Variants in AGBL1 observed in about 807,000 individuals in gnomAD.
AGBL1 encodes cytosolic carboxypeptidase 4.
In AGBL1, 130 loss-of-function variants were observed where a neutral mutation model predicts 118.9. The ratio of observed to expected loss-of-function variants is 1.09; its 90% CI spans 0.95 to 1.26. The LOEUF (loss-of-function observed/expected upper bound fraction) is 1.26, where lower values mean the gene tolerates loss of function less well. Ranked by LOEUF, AGBL1 falls within the 50% of genes most tolerant of loss-of-function variation. AGBL1 has a pLI of 0.00. For missense variants in AGBL1, 1,584 were observed against 1,298.1 expected, an observed-to-expected ratio of 1.22 and a Z score of -3.38; for synonymous variants, 555 against 478.9, an observed-to-expected ratio of 1.16 and a Z score of -2.08.
chr15:86,384,334 C>T (rs190332436), intron 17 of AGBL1, among the ~76,000 whole-genome samples: 7 of 152,170 alleles, frequency 4.6e-5, no homozygotes, highest in Non-Finnish European at 8.8e-5. Flanking sequence ...GTGAGCCAGC[C>T]GGCAGGTCTG....
chr15:86,124,190 C>T (rs1374284981), intron 1 of AGBL1, among the ~76,000 whole-genome samples: 2 of 151,814 alleles, frequency 1.3e-5, no homozygotes, highest in African/African-American at 2.4e-5. Context: ...TGTAGCGGGG[C>T]ATGGTGGCAG....
chr15:86,492,028 A>T (rs1246284442), intron 18 of AGBL1, among the ~76,000 whole-genome samples: 1 of 152,056 alleles, frequency 6.6e-6, no homozygotes, highest in African/African-American at 2.4e-5. Flanking sequence ...TCATTTTTGG[A>T]TGAGAGATGG....
At chr15:86,658,319 T>C (rs927534707) in intron 21 of AGBL1, among the ~76,000 whole-genome samples, 5 of 152,172 alleles carry the variant, frequency 3.3e-5, no homozygotes, top group African/African-American at 1.2e-4. Context: ...AGCCTGAGAA[T>C]GTAACAATGT....
At chr15:86,541,412 A>G (rs2083492275) in intron 19 of AGBL1, among the ~76,000 whole-genome samples, 1 of 152,068 alleles carries the variant, frequency 6.6e-6, no homozygotes, top group Non-Finnish European at 1.5e-5. Flanking sequence ...CAACAGAGGG[A>G]TATCCTGTCT....
intron 22 of AGBL1, among the ~76,000 whole-genome samples, chr15:86,852,569 A>G (rs528957715): frequency 5.9e-5 from 9 of 152,292 alleles, no homozygotes; most frequent in South Asian, 4.1e-4. Context: ...TGATCTCCCA[A>G]TGCCTCTTTT....
At chr15:86,275,400 A>G (rs1421573093) in intron 15 of AGBL1, among the ~76,000 whole-genome samples, 4 of 152,214 alleles carry the variant, frequency 2.6e-5, no homozygotes, top group Non-Finnish European at 5.9e-5. Context: ...GAAGTCTGGC[A>G]ACTTCACTGC....
At chr15:86,389,559 A>G (rs1300913007) in intron 17 of AGBL1, among the ~76,000 whole-genome samples, 1 of 152,230 alleles carries the variant, frequency 6.6e-6, no homozygotes. Context: ...ATGAAACCTG[A>G]TGAAAGTTTG....
At chr15:86,799,857 G>C (rs549663298) in intron 22 of AGBL1, among the ~76,000 whole-genome samples, 5 of 152,078 alleles carry the variant, frequency 3.3e-5, no homozygotes, top group Non-Finnish European at 7.4e-5. Flanking sequence ...TCATCAAAAA[G>C]TTCAAAGATT....
intron 23 of AGBL1, among the ~76,000 whole-genome samples, chr15:86,940,009 G>A (rs2080729146): frequency 6.9e-6 from 1 of 143,938 alleles, no homozygotes. Context: ...AGCCTCCCTA[G>A]TAGCTGGAAC....
chr15:86,167,340 G>C (rs2141736881), intron 5 of AGBL1, among the ~76,000 whole-genome samples: 1 of 151,994 alleles, frequency 6.6e-6, no homozygotes, highest in East Asian at 1.9e-4. Context: ...CCACCTCCTG[G>C]GTTCAAGCGA....
At chr15:86,788,970 G>C (rs761663024) in intron 22 of AGBL1, among the ~76,000 whole-genome samples, 2 of 152,226 alleles carry the variant, frequency 1.3e-5, no homozygotes, top group Non-Finnish European at 2.9e-5. Flanking sequence ...CTGGCAGGCA[G>C]TAGGGTTTCA....
intron 18 of AGBL1, among the ~76,000 whole-genome samples, chr15:86,517,461 C>T (rs767131221): frequency 1.1e-4 from 16 of 152,154 alleles, no homozygotes; most frequent in Non-Finnish European, 2.2e-4. Context: ...TTTAGACCTA[C>T]CAAAGTTCAA....
At chr15:86,933,413 C>T (rs1465818315) in intron 23 of AGBL1, among the ~76,000 whole-genome samples, 1 of 152,096 alleles carries the variant, frequency 6.6e-6, no homozygotes, top group Non-Finnish European at 1.5e-5. Context: ...GGCATAATTT[C>T]TATAGCTCAT....
chr15:86,920,987 A>G (rs1324824762), downstream of AGBL1, among the ~76,000 whole-genome samples: 3 of 152,204 alleles, frequency 2.0e-5, no homozygotes, highest in Non-Finnish European at 4.4e-5. Flanking sequence ...ATTCATTTTC[A>G]GAGTGCCAAG....
At chr15:86,252,704 T>C (rs1235677172) in intron 7 of AGBL1, among the ~76,000 whole-genome samples, 1 of 152,142 alleles carries the variant, frequency 6.6e-6, no homozygotes, top group African/African-American at 2.4e-5. Flanking sequence ...ACACTTGGTT[T>C]GTGAACTGTT....
intron 6 of AGBL1, among the ~76,000 whole-genome samples, chr15:86,230,704 A>C (rs1478664352): frequency 6.6e-6 from 1 of 152,238 alleles, no homozygotes; most frequent in Non-Finnish European, 1.5e-5. Context: ...ATTTGTTTTT[A>C]AAAATTCGTT....
intron 22 of AGBL1, among the ~76,000 whole-genome samples, chr15:86,768,294 T>C (rs1463281099): frequency 6.6e-6 from 1 of 151,966 alleles, no homozygotes; most frequent in Non-Finnish European, 1.5e-5. Context: ...TAACATAGTT[T>C]AACATAACAT....
chr15:86,667,947 T>C (rs2085675893), intron 21 of AGBL1, among the ~76,000 whole-genome samples: 1 of 152,218 alleles, frequency 6.6e-6, no homozygotes, highest in African/African-American at 2.4e-5. Context: ...GGCCACAGCA[T>C]CTGCTCAGCT....
intron 16 of AGBL1, 47 bp from the exon 17 acceptor site, chr15:86,295,208 T>A (rs1451357056): frequency 1.3e-6 from 2 of 1,593,334 alleles, no homozygotes; most frequent in Non-Finnish European, 1.7e-6. Context: ...TTATTGTTGT[T>A]ATAAAAAATG....
Sources: gnomAD v4.1 joint callset for allele counts (sites outside exome capture counted in the v4.1 genomes callset) on GRCh38, gnomAD v4.1.1 for gene constraint, MANE v1.5 for transcripts, NCBI Gene and HGNC (gene_info 2026-07-23, HGNC 2026-07-21) for gene names.